NLGN1: variants seen among roughly 807,000 people sequenced by gnomAD.
NLGN1 encodes neuroligin 1.
In NLGN1, 12 loss-of-function variants were observed where a neutral mutation model predicts 65.5. The ratio of observed to expected loss-of-function variants is 0.18; its 90% CI spans 0.12 to 0.30. The LOEUF is 0.30. NLGN1 is among the 10% of genes least tolerant of loss of function. NLGN1 has a pLI of 1.00. For missense variants in NLGN1, 750 were observed against 1,007.1 expected (o/e 0.74, Z 3.46); for synonymous variants, 350 against 359.5 (o/e 0.97, Z 0.30).
intron 4 of NLGN1, among the ~76,000 whole-genome samples, chr3:173,952,866 C>T (rs1157570064): frequency 1.3e-5 from 2 of 151,754 alleles, no homozygotes; most frequent in Non-Finnish European, 2.9e-5. Flanking sequence ...CAACCTCCAC[C>T]TCCCAAGTTC....
At chr3:173,636,662 C>T (rs1368642204) in intron 3 of NLGN1, among the ~76,000 whole-genome samples, 1 of 151,894 alleles carries the variant, frequency 6.6e-6, no homozygotes, top group Non-Finnish European at 1.5e-5. Flanking sequence ...TTATTTTAAA[C>T]TTTTTGTCCA....
chr3:173,596,542 C>G (rs1205174724), intron 2 of NLGN1, among the ~76,000 whole-genome samples: 2 of 152,218 alleles, frequency 1.3e-5, no homozygotes, highest in Non-Finnish European at 2.9e-5. Context: ...ATCTCTACCT[C>G]ATGGTACTTA....
At chr3:173,921,402 C>A (rs1741999610) in intron 4 of NLGN1, among the ~76,000 whole-genome samples, 1 of 150,534 alleles carries the variant, frequency 6.6e-6, no homozygotes, top group Non-Finnish European at 1.5e-5. Flanking sequence ...AAGTTCAGTT[C>A]ATACAAGGAA....
At chr3:174,054,024 G>A (rs1678293526) in intron 4 of NLGN1, among the ~76,000 whole-genome samples, 1 of 151,698 alleles carries the variant, frequency 6.6e-6, no homozygotes, top group African/African-American at 2.4e-5. Context: ...AAGTAGTCTT[G>A]GAAAAAAAAT....
At chr3:174,194,283 T>C (rs1483837325) in intron 4 of NLGN1, among the ~76,000 whole-genome samples, 1 of 151,412 alleles carries the variant, frequency 6.6e-6, no homozygotes, top group Non-Finnish European at 1.5e-5. Context: ...ATGGTGAAAC[T>C]ACTACTAAAA....
intron 4 of NLGN1, among the ~76,000 whole-genome samples, chr3:174,271,499 C>T (rs1399471100): frequency 1.3e-5 from 2 of 151,776 alleles, no homozygotes; most frequent in Non-Finnish European, 2.9e-5. Flanking sequence ...CAAGCCCATA[C>T]CTTGATCACA....
intron 2 of NLGN1, among the ~76,000 whole-genome samples, chr3:173,460,652 A>G (rs1723232439): frequency 6.6e-6 from 1 of 152,148 alleles, no homozygotes; most frequent in Admixed American, 6.6e-5. Context: ...TTGCAGTTAT[A>G]TTGTTGGCCA....
Position 173,547,650 on chromosome 3 carries a change from T to C in NLGN1, c.-320-56629T>C, listed in dbSNP as rs1236572279. 1.2e-4 allele frequency among the ~76,000 whole-genome samples: 18 copies of C among 152,318 alleles called. No individual in the cohort carries two copies. The East Asian group carries it at 1.9e-3, about 16-fold the overall frequency. ...TAAACATAAGTTCTTCTCTTCATACTAGGTATTATGTGTCAGCTTTTAGCG... is the reference window on the plus strand; with the variant it reads ...TAAACATAAGTTCTTCTCTTCATACCAGGTATTATGTGTCAGCTTTTAGCG... On this transcript the variant is annotated intron_variant, in intron 2 of 6. Coordinates refer to ENST00000457714, the Ensembl canonical transcript of NLGN1.
intron 4 of NLGN1, among the ~76,000 whole-genome samples, chr3:173,886,107 A>T (rs139823088): frequency 4.9e-4 from 75 of 152,244 alleles, no homozygotes; most frequent in African/African-American, 1.7e-3. Flanking sequence ...ACAGACTCTT[A>T]TGCAACCACT....
At chr3:173,453,191 C>T (rs1336775074) in intron 2 of NLGN1, among the ~76,000 whole-genome samples, 1 of 151,516 alleles carries the variant, frequency 6.6e-6, no homozygotes, top group African/African-American at 2.4e-5. Context: ...TCTCCACTTG[C>T]CAGGCTGTAG....
chr3:173,884,245 A>C (rs924574105), intron 4 of NLGN1, among the ~76,000 whole-genome samples: 5 of 152,170 alleles, frequency 3.3e-5, no homozygotes, highest in African/African-American at 1.2e-4. Flanking sequence ...GTTTAAAAAA[A>C]TAAAAAGTAA....
chr3:174,272,015 C>CTAT (rs1259312261), intron 4 of NLGN1, among the ~76,000 whole-genome samples: 4 of 151,476 alleles, frequency 2.6e-5, no homozygotes, highest in Non-Finnish European at 5.9e-5. Flanking sequence ...CATTATTGTT[C>CTAT]TATTTTACAA....
At chr3:174,087,635 G>C (rs1350660027) in intron 4 of NLGN1, among the ~76,000 whole-genome samples, 1 of 151,994 alleles carries the variant, frequency 6.6e-6, no homozygotes, top group Non-Finnish European at 1.5e-5. Flanking sequence ...TTTCATGACT[G>C]TGTATCCTGG....
chr3:173,782,022 T>G (rs992811556), intron 3 of NLGN1, among the ~76,000 whole-genome samples: 1 of 152,202 alleles, frequency 6.6e-6, no homozygotes, highest in African/African-American at 2.4e-5. Context: ...TCCTTGCTTT[T>G]TTAGTTACTT....
At position 173,557,646 on chromosome 3, in the gene NLGN1, C is replaced by T. The variant is rs923763095; in HGVS notation, c.-320-46633C>T. On this transcript the variant is annotated intron_variant, in intron 2 of 6. Transcript: ENST00000457714. ...GAAATTACAGCATAAATTCTTAACT[C>T]ATCACAGTCTACCTTGAATTAATAT... Among the ~76,000 whole-genome samples, 6 of 152,212 alleles carry T rather than the reference C, an allele frequency of 3.9e-5. No individual in the cohort carries two copies. In the South Asian group the frequency reaches 1.0e-3, roughly 26 times the overall value.
exon 3 of NLGN1, chr3:173,604,905 C>G: frequency 6.2e-7 from 1 of 1,613,720 alleles, no homozygotes; most frequent in Non-Finnish European, 8.5e-7. Flanking sequence ...ACCACCATCT[C>G]CCTGGTCAGA....
At chr3:174,088,782 A>G (rs1743944314) in intron 4 of NLGN1, among the ~76,000 whole-genome samples, 1 of 149,600 alleles carries the variant, frequency 6.7e-6, no homozygotes, top group Non-Finnish European at 1.5e-5. Flanking sequence ...ATAAATAAAT[A>G]AATAAATAAA....
At chr3:174,038,000 A>G (rs923306130) in intron 4 of NLGN1, among the ~76,000 whole-genome samples, 1 of 152,168 alleles carries the variant, frequency 6.6e-6, no homozygotes, top group Non-Finnish European at 1.5e-5. Context: ...ATAAAAATAT[A>G]TTGAATGAAT....
intron 2 of NLGN1, among the ~76,000 whole-genome samples, chr3:173,601,875 C>T (rs2149439078): frequency 6.6e-6 from 1 of 151,946 alleles, no homozygotes; most frequent in Admixed American, 6.6e-5. Flanking sequence ...ATTTCTCTGT[C>T]CTATGAAACT....
Sources: allele counts gnomAD v4.1 joint callset (sites outside exome capture counted in the v4.1 genomes callset), GRCh38; gene constraint gnomAD v4.1.1; transcripts MANE v1.5; gene names NCBI Gene and HGNC (gene_info 2026-07-23, HGNC 2026-07-21).